The following FBXO7 variants were observed in gnomAD, a reference collection of about 807,000 sequenced individuals.
The protein encoded by FBXO7 is F-box protein 7, also known as F-box only protein 7.
A neutral mutation model predicts 50.2 loss-of-function variants in FBXO7; 31 were observed. The observed-to-expected ratio is 0.62, with a 90% confidence interval of 0.46 to 0.83. The LOEUF (loss-of-function observed/expected upper bound fraction) is 0.83. Ranked by LOEUF, FBXO7 falls within the 40% of genes least tolerant of loss-of-function variation. The pLI is 0.00. For missense variants in FBXO7, 667 were observed against 646.6 expected (o/e 1.03, Z -0.34); for synonymous variants, 256 against 253.1 (o/e 1.01, Z -0.11).
Position 32,474,995 on chromosome 22 carries a change from C to T in FBXO7, c.-8C>T. The T allele has an allele frequency of 6.5e-7, 1 of 1,533,578 alleles. No homozygotes were observed. The highest frequency in any genetic ancestry group is 1.2e-5 in the South Asian group (1 of 83,376). The allele number at this position is 1,533,578 out of a possible 1,614,324, so 95.0% of individuals were successfully genotyped here. Reference sequence around the variant, plus strand: ...GGGTCCAGGCCCCTCGGGCCGCCTGCCGCCGTCATGAGGCTGCGGGTGCGG... The same window carrying T: ...GGGTCCAGGCCCCTCGGGCCGCCTGTCGCCGTCATGAGGCTGCGGGTGCGG... On this transcript the variant is annotated 5_prime_UTR_variant, in exon 1 of 9. Transcript: ENST00000266087.
Position 32,479,393 on chromosome 22 carries a change from ATTTTTTTCTTTTT to A in FBXO7, c.417+126_417+138del. 2.3e-6 allele frequency: 2 copies of A among 861,468 alleles called. 1 individual carries two copies. Among genetic ancestry groups the A allele is most frequent in the South Asian group, 3.8e-5 (2 of 52,276 alleles). 53.4% of individuals were successfully genotyped at this position (861,468 alleles called of 1,614,324 possible). ...TCGATAGATTGCACATTTTATATAT[ATTTTTTTCTTTTT>A]TTTTTTTTTTGAGACAGAGTCTCAC... On this transcript the variant is annotated intron_variant, in intron 2 of 8. Transcript: ENST00000266087.
chr22:32,498,492 AG>A lies in FBXO7; in HGVS notation c.1535del (p.Gly512ValfsTer13). 1 of 1,614,094 alleles carries A rather than the reference AG, an allele frequency of 6.2e-7. No homozygotes were observed. Among genetic ancestry groups the A allele is most frequent in the South Asian group, 1.1e-5 (1 of 91,072 alleles). ...PNDRFPFRPS[R>X]GRPTDGRLSF... is the part of the protein sequence containing the mutation. ...TGACAGATTTCCCTTTAGACCCAGC[AG>A]GGGTCGGCCAACTGATGGCCGGCTG... is the stretch of plus-strand genomic sequence containing the variant. On this transcript the variant is annotated frameshift_variant, in exon 9 of 9. Transcript: ENST00000266087. LOFTEE classifies it high-confidence loss of function.
intron 2 of FBXO7, among the ~76,000 whole-genome samples, chr22:32,482,191 T>G (rs971742170): frequency 6.6e-6 from 1 of 152,228 alleles, no homozygotes; most frequent in Non-Finnish European, 1.5e-5. Flanking sequence ...TTCTGTTTTC[T>G]TAGGAAATAT....
intron 5 of FBXO7, 40 bp downstream of exon 5, chr22:32,487,868 T>A (rs765722922): frequency 1.6e-6 from 2 of 1,259,892 alleles, no homozygotes; most frequent in South Asian, 1.2e-5. Context: ...TGAAACTCTG[T>A]GAAATTCATA....
chr22:32,479,825 T>G (rs1260167223), intron 2 of FBXO7, among the ~76,000 whole-genome samples: 2 of 152,240 alleles, frequency 1.3e-5, no homozygotes, highest in Non-Finnish European at 2.9e-5. Flanking sequence ...AGTTATTCCT[T>G]GACTTCTATT....
At chr22:32,475,400 T>A (rs1282365606) in intron 1 of FBXO7, 3 of 1,610,924 alleles carry the variant, frequency 1.9e-6, no homozygotes, top group Non-Finnish European at 2.5e-6. Flanking sequence ...CCCTCCTCGG[T>A]GAGTCATGGC....
At chr22:32,483,084 A>G (rs2057475236) in intron 2 of FBXO7, among the ~76,000 whole-genome samples, 2 of 152,232 alleles carry the variant, frequency 1.3e-5, no homozygotes, top group Non-Finnish European at 2.9e-5. Context: ...TTTGGTCTTC[A>G]TTTGTAGACC....
chr22:32,492,351 T>A (rs1017071193), intron 6 of FBXO7: 9 of 152,298 alleles, frequency 5.9e-5, no homozygotes, highest in African/African-American at 2.2e-4. Context: ...CATGTAGATA[T>A]GTCTGTTGGA....
chr22:32,481,264 G>A (rs2057463098), intron 2 of FBXO7, among the ~76,000 whole-genome samples: 2 of 152,118 alleles, frequency 1.3e-5, no homozygotes, highest in Non-Finnish European at 1.5e-5. Context: ...GCCTCATAGA[G>A]GTAAACTGGG....
chr22:32,492,937 T>C (rs1369906568), intron 6 of FBXO7, 168 bp from the exon 7 acceptor site: 3 of 697,408 alleles, frequency 4.3e-6, no homozygotes, highest in Non-Finnish European at 7.8e-6. Flanking sequence ...ATAGTCAAGC[T>C]GGGGTTAAAA....
At chr22:32,479,459 G>A (rs550823664) in intron 2 of FBXO7, among the ~76,000 whole-genome samples, 184 bp downstream of exon 2, 238 of 148,840 alleles carry the variant, frequency 1.6e-3, no homozygotes, top group African/African-American at 5.7e-3. Context: ...GTGCAGTGGC[G>A]CAATCTCTGC....
intron 6 of FBXO7, chr22:32,491,849 T>G (rs1053009049): frequency 6.6e-5 from 10 of 152,076 alleles, no homozygotes; most frequent in African/African-American, 2.4e-4. Context: ...TTTTTTGCAG[T>G]TAAAAAAATT....
At chr22:32,484,150 C>T (rs1568974519) in intron 3 of FBXO7, 26 bp downstream of exon 3, 5 of 1,577,588 alleles carry the variant, frequency 3.2e-6, no homozygotes, top group Non-Finnish European at 4.4e-6. Flanking sequence ...AAAACACAGA[C>T]ATCTTATGAT....
intron 5 of FBXO7, chr22:32,488,814 A>T (rs1324227545): frequency 6.6e-6 from 1 of 152,090 alleles, no homozygotes; most frequent in East Asian, 1.9e-4. Context: ...AATTAGCTGA[A>T]TTGAATTTTT....
chr22:32,477,484 A>G (rs375389767), intron 1 of FBXO7, among the ~76,000 whole-genome samples: 11 of 152,186 alleles, frequency 7.2e-5, no homozygotes, highest in African/African-American at 2.7e-4. Flanking sequence ...TCTGTGATGC[A>G]GAAAGAATGG....
intron 4 of FBXO7, chr22:32,487,509 T>G: frequency 2.4e-6 from 1 of 420,984 alleles, no homozygotes; most frequent in Non-Finnish European, 4.3e-6. Flanking sequence ...GGATTTTATA[T>G]AAAGATGCTT....
chr22:32,491,289 G>A (rs1330801536), intron 6 of FBXO7, 108 bp downstream of exon 6: 5 of 786,474 alleles, frequency 6.4e-6, no homozygotes, highest in South Asian at 4.4e-5. Context: ...TGCTCCTGGC[G>A]AAATGTTCCT....
chr22:32,487,611 G>T, intron 4 of FBXO7, 134 bp from the exon 5 acceptor site: 1 of 651,262 alleles, frequency 1.5e-6, no homozygotes, highest in Non-Finnish European at 2.8e-6. Flanking sequence ...GAAAGAAATA[G>T]GCGAAGAACA....
intron 2 of FBXO7, among the ~76,000 whole-genome samples, chr22:32,481,094 T>G (rs1464674239): frequency 6.6e-6 from 1 of 152,222 alleles, no homozygotes; most frequent in Non-Finnish European, 1.5e-5. Context: ...TTGCTGGCCT[T>G]AAACATTTTT....
Sources: gnomAD v4.1 joint callset for allele counts (sites outside exome capture counted in the v4.1 genomes callset) on GRCh38, gnomAD v4.1.1 for gene constraint, MANE v1.5 for transcripts, NCBI Gene and HGNC (gene_info 2026-07-23, HGNC 2026-07-21) for gene names.